Variants in CLEC9A observed in about 807,000 individuals in gnomAD.
CLEC9A encodes the protein C-type lectin domain family 9 member A.
Under a neutral mutation model 30.0 loss-of-function variants are expected in CLEC9A, and 24 were observed. That is an observed-to-expected ratio of 0.80 (90% CI 0.58 to 1.13). The LOEUF is 1.13. CLEC9A is among the 50% of genes most tolerant of loss of function. The pLI, the probability that CLEC9A is intolerant of heterozygous loss-of-function variation, is 0.00. For synonymous variants in CLEC9A, 111 were observed against 96.8 expected, an observed-to-expected ratio of 1.15 and a Z score of -0.86; for missense variants, 251 against 280.9, an observed-to-expected ratio of 0.89 and a Z score of 0.76.
At chr12:10,045,869 T>C (rs1233332681) in intron 2 of CLEC9A, among the ~76,000 whole-genome samples, 1 of 152,246 alleles carries the variant, frequency 6.6e-6, no homozygotes, top group Non-Finnish European at 1.5e-5. Flanking sequence ...TTCTTTCTTC[T>C]TGTCTAATTT....
rs985780031 is a variant in CLEC9A, at chr12:10,054,141, C to G, written c.92-130C>G. ...CTTTTTCCTTTTCTTTTACACATCCCAGGCCCCAACAACTCTCAGTAGAAA... is the reference window on the plus strand; with the variant it reads ...CTTTTTCCTTTTCTTTTACACATCCGAGGCCCCAACAACTCTCAGTAGAAA... On this transcript the variant is annotated intron_variant, in intron 4 of 8. Transcript: ENST00000355819. 1.4e-5 allele frequency: 10 copies of G among 727,996 alleles called. No homozygotes were observed. The African/African-American group carries it at 1.6e-4, about 12-fold the overall frequency. The allele number at this position is 727,996 out of a possible 1,614,324, so 45.1% of individuals were successfully genotyped here.
intron 8 of CLEC9A, 23 bp from the exon 9 acceptor site, chr12:10,065,477 G>C: frequency 1.2e-6 from 2 of 1,613,194 alleles, no homozygotes; most frequent in Non-Finnish European, 1.7e-6. Flanking sequence ...TCTAACCTCA[G>C]AAATGTTGAC....
At chr12:10,031,237 C>T (rs1865692871) in intron 1 of CLEC9A, among the ~76,000 whole-genome samples, 1 of 152,112 alleles carries the variant, frequency 6.6e-6, no homozygotes, top group Non-Finnish European at 1.5e-5. Flanking sequence ...AGGCTGGAGC[C>T]GCTGGTGGAA....
intron 2 of CLEC9A, among the ~76,000 whole-genome samples, chr12:10,041,923 T>C (rs571841410): frequency 2.6e-5 from 4 of 152,208 alleles, no homozygotes; most frequent in Non-Finnish European, 5.9e-5. Context: ...CCTGTGTTGT[T>C]CTAACTTGCT....
At chr12:10,034,784 G>C (rs1278024146) in intron 1 of CLEC9A, among the ~76,000 whole-genome samples, 1 of 152,214 alleles carries the variant, frequency 6.6e-6, no homozygotes, top group Non-Finnish European at 1.5e-5. Context: ...GTGTCTAGGA[G>C]TAAATGTTTG....
intron 2 of CLEC9A, among the ~76,000 whole-genome samples, chr12:10,049,870 T>C (rs1865878029): frequency 6.6e-6 from 1 of 152,216 alleles, no homozygotes; most frequent in African/African-American, 2.4e-5. Context: ...TCCTTTACAT[T>C]CACAACTTGG....
At chr12:10,031,979 GAGAGCTAAGTTCAGTGTTGC>G (rs1012014019) in intron 1 of CLEC9A, among the ~76,000 whole-genome samples, 3 of 152,040 alleles carry the variant, frequency 2.0e-5, no homozygotes, top group African/African-American at 7.2e-5. Flanking sequence ...GCCTTGTTTG[GAGAGCTAAGTTCAGTGTTGC>G]AGATGCTCAA....
intron 1 of CLEC9A, among the ~76,000 whole-genome samples, chr12:10,035,325 G>GT (rs1370409680): frequency 5.9e-5 from 9 of 152,152 alleles, no homozygotes; most frequent in Non-Finnish European, 1.2e-4. Context: ...ATCCAGGTCG[G>GT]TGGGCAAAGG....
intron 2 of CLEC9A, among the ~76,000 whole-genome samples, chr12:10,041,941 G>A (rs1412083478): frequency 3.9e-5 from 6 of 152,126 alleles, no homozygotes; most frequent in Non-Finnish European, 7.3e-5. Flanking sequence ...GCTGCACTGC[G>A]CACTTACTGT....
chr12:10,040,870 A>T (rs912730360), intron 1 of CLEC9A: 26 of 201,260 alleles, frequency 1.3e-4, no homozygotes, highest in Non-Finnish European at 2.6e-4. Flanking sequence ...AAAATTACCT[A>T]CAAGTTGAGA....
intron 5 of CLEC9A, among the ~76,000 whole-genome samples, chr12:10,057,479 A>G (rs549431418): frequency 7.2e-5 from 11 of 152,118 alleles, no homozygotes; most frequent in Non-Finnish European, 1.0e-4. Context: ...ACTAAAGGCC[A>G]GTACCTGACA....
rs115211963 is a variant in CLEC9A, at chr12:10,047,326, T to C, written c.-162-4665T>C. On this transcript the variant is annotated intron_variant, in intron 2 of 8. Coordinates refer to ENST00000355819, the MANE Select transcript of CLEC9A (RefSeq NM_207345.4). Reference sequence around the variant, plus strand: ...GGAAAAGCATATGTTCATACATCACTATGGCACACATAAATTTAGAAGGAT... The same window carrying C: ...GGAAAAGCATATGTTCATACATCACCATGGCACACATAAATTTAGAAGGAT... 4.9e-3 allele frequency among the ~76,000 whole-genome samples: 743 copies of C among 152,364 alleles called. 11 individuals carry two copies. The highest frequency in any genetic ancestry group is 0.017 in the African/African-American group (706 of 41,586).
intron 5 of CLEC9A, among the ~76,000 whole-genome samples, chr12:10,057,360 G>A (rs750525039): frequency 2.6e-5 from 4 of 151,536 alleles, no homozygotes; most frequent in Non-Finnish European, 5.9e-5. Context: ...TTTTTAAATA[G>A]GACCATGTGT....
chr12:10,061,277 A>G lies in CLEC9A; in HGVS notation c.319+4A>G, dbSNP rs1565593619. 6.2e-7 allele frequency: 1 copy of G among 1,604,926 alleles called. No homozygotes were observed. Among genetic ancestry groups the G allele is most frequent in the East Asian group, 2.2e-5 (1 of 44,568 alleles). ...ATGCAAAACTCATTAAGTTCAGGTA[A>G]TGGATAAAAATCAGTTTCCACTGTA... On this transcript the variant is annotated splice_donor_region_variant and intron_variant, in intron 6 of 8. Transcript: ENST00000355819.
chr12:10,064,649 T>A, intron 7 of CLEC9A, 83 bp from the exon 8 acceptor site: 2 of 1,409,038 alleles, frequency 1.4e-6, no homozygotes, highest in Non-Finnish European at 1.9e-6. Context: ...AATTTCTAGC[T>A]AGGCAAAATG....
At chr12:10,061,766 G>A (rs1866001060) in intron 6 of CLEC9A, among the ~76,000 whole-genome samples, 1 of 152,180 alleles carries the variant, frequency 6.6e-6, no homozygotes, top group Non-Finnish European at 1.5e-5. Flanking sequence ...AGTTACTGCA[G>A]TTTAATCTTT....
rs148035230 is a variant in CLEC9A at position 10,061,232 on chromosome 12, T to G, written c.278T>G (p.Met93Arg). ...TGGAAGAGAAGCTGTGCCCTTCAGA[T>G]GAAATATTGCCAAGCCTTCATGCAA... is the stretch of plus-strand genomic sequence containing the variant. ...TEWKRSCALQ[M>R]KYCQAFMQNS... The change falls in exon 6 of 9, where the codon ATG becomes AGG. Residue 93 changes from methionine to arginine, a missense_variant. By Grantham distance (91) the Met-to-Arg change is moderately conservative. Transcript: ENST00000355819. 7 of 1,611,840 alleles carry G rather than the reference T, an allele frequency of 4.3e-6. No homozygotes were observed. Among genetic ancestry groups the G allele is most frequent in the Non-Finnish European group, 5.9e-6 (7 of 1,179,374 alleles).
In CLEC9A at chr12:10,051,758, T is replaced by G. The variant is rs147391338; in HGVS notation, c.-162-233T>G. Among the ~76,000 whole-genome samples, 676 of 152,346 alleles carry G rather than the reference T, an allele frequency of 4.4e-3. 16 individuals carry two copies. Among genetic ancestry groups the G allele is most frequent in the Non-Finnish European group, 1.9e-3 (130 of 68,024 alleles). On this transcript the variant is annotated intron_variant, in intron 2 of 8. Transcript: ENST00000355819. ...TGAATGATGATTAAAGTCTCAAATT[T>G]CTGATGCTATAGTCGCAAGATGTGG...
chr12:10,050,510 A>C (rs1865883872), intron 2 of CLEC9A, among the ~76,000 whole-genome samples: 1 of 152,238 alleles, frequency 6.6e-6, no homozygotes, highest in African/African-American at 2.4e-5. Flanking sequence ...TAATTCATGT[A>C]TAAGTTCTTG....
Sources: gnomAD v4.1 joint callset for allele counts (sites outside exome capture counted in the v4.1 genomes callset) on GRCh38, gnomAD v4.1.1 for gene constraint, MANE v1.5 for transcripts, NCBI Gene and HGNC (gene_info 2026-07-23, HGNC 2026-07-21) for gene names.